Variants in GRM7 observed in about 807,000 individuals in gnomAD.
GRM7 encodes glutamate metabotropic receptor 7, also known as metabotropic glutamate receptor 7.
A neutral mutation model predicts 84.5 loss-of-function variants in GRM7; 35 were observed. The ratio of observed to expected loss-of-function variants is 0.41; its 90% CI spans 0.32 to 0.55. The LOEUF is 0.55. Ranked by LOEUF, GRM7 falls within the 20% of genes least tolerant of loss-of-function variation. The pLI, the probability that GRM7 is intolerant of heterozygous loss-of-function variation, is 0.19. For synonymous variants in GRM7, 487 were observed against 455.1 expected (o/e 1.07, Z -0.89); for missense variants, 1,003 against 1,194.6 (o/e 0.84, Z 2.36).
chr3:7,369,451 C>T (rs1694044876), intron 4 of GRM7, among the ~76,000 whole-genome samples: 1 of 151,116 alleles, frequency 6.6e-6, no homozygotes. Context: ...TCTCACTTCT[C>T]TTCATGTTCC....
chr3:7,610,111 A>T (rs1460724607), intron 8 of GRM7, among the ~76,000 whole-genome samples: 4 of 152,178 alleles, frequency 2.6e-5, no homozygotes, highest in Non-Finnish European at 4.4e-5. Context: ...CATCTGTCTT[A>T]TTGAAGGTAG....
At chr3:6,939,535 C>T (rs1396019515) in intron 1 of GRM7, among the ~76,000 whole-genome samples, 1 of 151,830 alleles carries the variant, frequency 6.6e-6, no homozygotes, top group Non-Finnish European at 1.5e-5. Context: ...ATTTATAAAT[C>T]TTTAGATTCT....
Position 7,600,595 on chromosome 3 carries a change from GTTC to G in GRM7, c.2451+21243_2451+21245del, listed in dbSNP as rs1156771045. Reference sequence around the variant, plus strand: ...CCTGTCTACCTGTGTGCCCTCTGGTGTTCTTCTCCTCCTCTCTGGGCATCAGTT... The same window carrying G: ...CCTGTCTACCTGTGTGCCCTCTGGTGTTCTCCTCCTCTCTGGGCATCAGTT... On this transcript the variant is annotated intron_variant, in intron 8 of 9. Coordinates refer to ENST00000357716, the MANE Select transcript of GRM7 (RefSeq NM_000844.4). Among the ~76,000 whole-genome samples, 6 of 152,222 alleles carry G rather than the reference GTTC, an allele frequency of 3.9e-5. No individual in the cohort carries two copies. The East Asian group carries it at 1.2e-3, about 29-fold the overall frequency.
At chr3:7,536,490 A>G (rs779747) in intron 7 of GRM7, among the ~76,000 whole-genome samples, 92,219 of 152,126 alleles carry the variant, frequency 0.61, 28,771 homozygotes, top group African/African-American at 0.76. Flanking sequence ...CTGCCTCATA[A>G]TATTTGGTAT....
intron 5 of GRM7, among the ~76,000 whole-genome samples, chr3:7,418,405 A>G (rs892595608): frequency 2.0e-5 from 3 of 152,158 alleles, no homozygotes; most frequent in African/African-American, 4.8e-5. Context: ...CACAACTTCC[A>G]TTTGACAGGA....
intron 2 of GRM7, among the ~76,000 whole-genome samples, chr3:7,283,448 G>C (rs772908883): frequency 1.3e-5 from 2 of 151,876 alleles, no homozygotes; most frequent in African/African-American, 2.4e-5. Flanking sequence ...CCAAAGTTCC[G>C]TTCAGACACA....
chr3:7,517,396 T>G (rs1397746167), intron 7 of GRM7, among the ~76,000 whole-genome samples: 5 of 151,742 alleles, frequency 3.3e-5, no homozygotes, highest in East Asian at 3.9e-4. Context: ...ATTAGTATTA[T>G]TAGTATTATT....
At chr3:6,990,485 A>AT (rs1694593573) in intron 1 of GRM7, among the ~76,000 whole-genome samples, 1 of 152,194 alleles carries the variant, frequency 6.6e-6, no homozygotes, top group Non-Finnish European at 1.5e-5. Context: ...TTAGCAAATC[A>AT]TCAGGCATCC....
chr3:7,402,860 C>A (rs1325679191), intron 4 of GRM7, among the ~76,000 whole-genome samples: 1 of 144,844 alleles, frequency 6.9e-6, no homozygotes, highest in Non-Finnish European at 1.5e-5. Context: ...TATGAAAAGT[C>A]TTTCCTTCAA....
chr3:7,266,414 C>T (rs902180905), intron 2 of GRM7, among the ~76,000 whole-genome samples: 2 of 152,172 alleles, frequency 1.3e-5, no homozygotes, highest in African/African-American at 2.4e-5. Flanking sequence ...AGTTACTCAG[C>T]GTAGGTAGAG....
chr3:7,086,783 C>G (rs1255130678), intron 1 of GRM7, among the ~76,000 whole-genome samples: 1 of 152,146 alleles, frequency 6.6e-6, no homozygotes, highest in Non-Finnish European at 1.5e-5. Context: ...GTTACAGTTG[C>G]TTAAGAAAAA....
intron 1 of GRM7, among the ~76,000 whole-genome samples, chr3:6,906,523 C>T (rs1696584073): frequency 6.6e-6 from 1 of 152,046 alleles, no homozygotes; most frequent in Non-Finnish European, 1.5e-5. Flanking sequence ...CCTTCTTCAA[C>T]CTCCAATTCT....
intron 2 of GRM7, among the ~76,000 whole-genome samples, chr3:7,158,634 A>G (rs1218820928): frequency 2.0e-5 from 3 of 152,172 alleles, no homozygotes; most frequent in Admixed American, 2.0e-4. Flanking sequence ...TGAACTAAAC[A>G]TTATCGGGCA....
At chr3:7,033,326 G>GAATTCCAT (rs1472141786) in intron 1 of GRM7, among the ~76,000 whole-genome samples, 27 of 151,806 alleles carry the variant, frequency 1.8e-4, no homozygotes, top group African/African-American at 5.3e-4. Flanking sequence ...GATTCCAGGT[G>GAATTCCAT]GACATGAATT....
intron 1 of GRM7, among the ~76,000 whole-genome samples, chr3:7,101,445 T>C (rs1343263992): frequency 6.6e-6 from 1 of 151,656 alleles, no homozygotes; most frequent in Non-Finnish European, 1.5e-5. Context: ...GTGGTGTATC[T>C]TTTCCCACTT....
intron 2 of GRM7, among the ~76,000 whole-genome samples, chr3:7,287,398 A>G (rs1272460541): frequency 6.6e-6 from 1 of 152,182 alleles, no homozygotes; most frequent in Admixed American, 6.5e-5. Flanking sequence ...TCATACGCTT[A>G]GAAAACTCAA....
chr3:7,704,758 C>T (rs892609269), intron 9 of GRM7, among the ~76,000 whole-genome samples: 1 of 152,130 alleles, frequency 6.6e-6, no homozygotes, highest in African/African-American at 2.4e-5. Flanking sequence ...ATCCAGCCAT[C>T]TTTCCCTGAT....
intron 1 of GRM7, among the ~76,000 whole-genome samples, chr3:6,880,765 T>C (rs930665228): frequency 1.3e-5 from 2 of 152,174 alleles, no homozygotes; most frequent in African/African-American, 4.8e-5. Context: ...GTCTCGTATT[T>C]GGACTCATCT....
chr3:7,589,435 A>C (rs1695676555), intron 8 of GRM7, among the ~76,000 whole-genome samples: 2 of 152,184 alleles, frequency 1.3e-5, no homozygotes, highest in African/African-American at 4.8e-5. Context: ...TAGTTTCTAA[A>C]TTTGGACATT....
Sources: gnomAD v4.1 joint callset for allele counts (sites outside exome capture counted in the v4.1 genomes callset) on GRCh38, gnomAD v4.1.1 for gene constraint, MANE v1.5 for transcripts, NCBI Gene and HGNC (gene_info 2026-07-23, HGNC 2026-07-21) for gene names.